PPFIA2: variants seen among roughly 807,000 people sequenced by gnomAD.
PPFIA2 encodes the protein liprin-alpha-2.
Under a neutral mutation model 175.5 loss-of-function variants are expected in PPFIA2, and 46 were observed. The ratio of observed to expected loss-of-function variants is 0.26; its 90% CI spans 0.21 to 0.34. PPFIA2 has a LOEUF of 0.34. Ranked by LOEUF, PPFIA2 falls within the 10% of genes least tolerant of loss-of-function variation. PPFIA2 has a pLI of 1.00. For missense variants in PPFIA2, 1,179 were observed against 1,506.1 expected (o/e 0.78, Z 3.60); for synonymous variants, 568 against 511.4 (o/e 1.11, Z -1.49).
chr12:81,640,356 C>T (rs775259631), intron 4 of PPFIA2, among the ~76,000 whole-genome samples: 1 of 152,112 alleles, frequency 6.6e-6, no homozygotes, highest in Non-Finnish European at 1.5e-5. Context: ...TGACTAGAAA[C>T]AGGATGAGCC....
chr12:81,670,272 G>A (rs1022414385), intron 4 of PPFIA2, among the ~76,000 whole-genome samples: 1 of 151,848 alleles, frequency 6.6e-6, no homozygotes, highest in Non-Finnish European at 1.5e-5. Context: ...TATTATTTAA[G>A]TAGAACTTAT....
At chr12:81,425,328 G>A (rs1461778321) in intron 7 of PPFIA2, among the ~76,000 whole-genome samples, 3 of 151,876 alleles carry the variant, frequency 2.0e-5, no homozygotes, top group Non-Finnish European at 4.4e-5. Context: ...AAACTTGCTA[G>A]TGACAGTATT....
At chr12:81,402,577 A>T (rs1047036846) in intron 8 of PPFIA2, among the ~76,000 whole-genome samples, 1 of 152,222 alleles carries the variant, frequency 6.6e-6, no homozygotes, top group Admixed American at 6.6e-5. Flanking sequence ...GGTATAGCTG[A>T]GCACGGTGGC....
intron 7 of PPFIA2, chr12:81,430,524 A>ACTCTCTCTCTCTCTCT (rs10570346): frequency 7.8e-6 from 1 of 127,582 alleles, no homozygotes; most frequent in African/African-American, 2.8e-5. Context: ...TATGCTTAAA[A>ACTCTCTCTCTCTCTCT]CTCTCTCTCT....
chr12:81,675,669 G>A (rs934367086), intron 4 of PPFIA2: 1 of 151,882 alleles, frequency 6.6e-6, no homozygotes, highest in African/African-American at 2.4e-5. Context: ...AAGGCAGAAG[G>A]GTAAAATTAC....
chr12:81,437,359 A>T (rs1472903850), intron 7 of PPFIA2, among the ~76,000 whole-genome samples: 1 of 152,082 alleles, frequency 6.6e-6, no homozygotes, highest in African/African-American at 2.4e-5. Flanking sequence ...CCTCCCAAGT[A>T]GCTGGGACTA....
Position 81,358,174 on chromosome 12 carries a change from A to T in PPFIA2, c.1681T>A (p.Ser561Thr). Reference sequence around the variant, plus strand: ...TAATCAGACTGGCTGTCCACTAGGGATCCCACTGAGTACCGCAACTCAGCT... The same window carrying T: ...TAATCAGACTGGCTGTCCACTAGGGTTCCCACTGAGTACCGCAACTCAGCT... The part of the protein sequence containing the change: ...TSAELRYSVG[S>T]LVDSQSDYRT... Residue 561 changes from serine to threonine, a missense_variant, in exon 16 of 33, where the codon TCC becomes ACC. By Grantham distance (58) the Ser-to-Thr change is moderately conservative. Coordinates refer to ENST00000549396, the MANE Select transcript of PPFIA2 (RefSeq NM_003625.5). 2 of 1,595,780 alleles carry T rather than the reference A, an allele frequency of 1.3e-6. No homozygotes were observed. The highest frequency in any genetic ancestry group is 1.3e-5 in the African/African-American group (1 of 74,546).
chr12:81,750,280 T>A (rs2083577755), intron 3 of PPFIA2, among the ~76,000 whole-genome samples: 1 of 143,856 alleles, frequency 7.0e-6, no homozygotes, highest in African/African-American at 2.4e-5. Flanking sequence ...TGTGACATAT[T>A]TACAACACCA....
At chr12:81,328,023 C>A (rs566298561) in intron 21 of PPFIA2, among the ~76,000 whole-genome samples, 1 of 152,164 alleles carries the variant, frequency 6.6e-6, no homozygotes, top group African/African-American at 2.4e-5. Flanking sequence ...CAGGCCAGTG[C>A]GCTTAACCAG....
In PPFIA2 at chr12:81,522,482, G is replaced by A. The variant is rs1193528872; in HGVS notation, c.304-64616C>T. On this transcript the variant is annotated intron_variant, in intron 4 of 32. Coordinates refer to ENST00000549396, the MANE Select transcript of PPFIA2 (RefSeq NM_003625.5). ...CAGAGCGATTTAAATACAAAAATTT[G>A]AATCAATCAGCACTACATCTCTGTA... Among the ~76,000 whole-genome samples, 6 of 152,106 alleles carry A rather than the reference G, an allele frequency of 3.9e-5. No individual in the cohort carries two copies. In the South Asian group the frequency reaches 1.0e-3, roughly 26 times the overall value.
At chr12:81,733,051 T>C (rs932599656) in intron 3 of PPFIA2, among the ~76,000 whole-genome samples, 6 of 151,726 alleles carry the variant, frequency 4.0e-5, no homozygotes, top group African/African-American at 1.4e-4. Flanking sequence ...GTATTTTTGA[T>C]AAATTTATTA....
chr12:81,495,561 T>C (rs1567063482), intron 4 of PPFIA2, among the ~76,000 whole-genome samples: 1 of 152,108 alleles, frequency 6.6e-6, no homozygotes, highest in Non-Finnish European at 1.5e-5. Context: ...TGCCAGCACT[T>C]TGGGAGACTC....
chr12:81,319,330 C>A (rs1037958926), intron 22 of PPFIA2, among the ~76,000 whole-genome samples: 4 of 151,486 alleles, frequency 2.6e-5, no homozygotes, highest in East Asian at 3.9e-4. Context: ...GACCCTTATC[C>A]TTGGGATATT....
chr12:81,352,883 T>G (rs1053562922), intron 17 of PPFIA2, among the ~76,000 whole-genome samples: 15 of 152,186 alleles, frequency 9.9e-5, no homozygotes, highest in African/African-American at 3.4e-4. Context: ...TAATCTTATA[T>G]GTTTCATGTA....
intron 4 of PPFIA2, among the ~76,000 whole-genome samples, chr12:81,606,741 A>G (rs997704102): frequency 4.6e-5 from 7 of 152,030 alleles, no homozygotes; most frequent in African/African-American, 1.7e-4. Context: ...GTTCACAAAT[A>G]TTTCCTCCCA....
chr12:81,604,941 A>C (rs1236582768), intron 4 of PPFIA2, among the ~76,000 whole-genome samples: 2 of 151,888 alleles, frequency 1.3e-5, no homozygotes, highest in Non-Finnish European at 3.0e-5. Context: ...CTCTTAATAG[A>C]ATTAAGAGAA....
chr12:81,356,354 A>C (rs2060850338), intron 16 of PPFIA2, among the ~76,000 whole-genome samples: 1 of 152,096 alleles, frequency 6.6e-6, no homozygotes, highest in Admixed American at 6.6e-5. Context: ...TAATAATAAT[A>C]ATAAAAGTTT....
chr12:81,723,838 A>G (rs1037656056), intron 3 of PPFIA2, among the ~76,000 whole-genome samples: 6 of 151,000 alleles, frequency 4.0e-5, no homozygotes, highest in Admixed American at 1.3e-4. Context: ...GAAAGCATAA[A>G]TCAGAGGGTA....
chr12:81,312,332 A>G, intron 22 of PPFIA2: 1 of 666,736 alleles, frequency 1.5e-6, no homozygotes, highest in Non-Finnish European at 2.6e-6. Context: ...TTTCATCATG[A>G]CACACATACT....
Sources: allele counts gnomAD v4.1 joint callset (sites outside exome capture counted in the v4.1 genomes callset), GRCh38; gene constraint gnomAD v4.1.1; transcripts MANE v1.5; gene names NCBI Gene and HGNC (gene_info 2026-07-23, HGNC 2026-07-21).